The following OSBPL6 variants were observed in gnomAD, a reference collection of about 807,000 sequenced individuals.
OSBPL6 encodes the protein oxysterol-binding protein-related protein 6.
In OSBPL6, 49 loss-of-function variants were observed where a neutral mutation model predicts 125.8. The observed-to-expected ratio is 0.39, with a 90% confidence interval of 0.31 to 0.49. The LOEUF is 0.49. OSBPL6 is among the 20% of genes least tolerant of loss of function. The pLI is 0.88. For synonymous variants in OSBPL6, 394 were observed against 391.8 expected (o/e 1.01, Z -0.07); for missense variants, 986 against 1,135.4 (o/e 0.87, Z 1.89).
At chr2:178,278,067 T>C (rs2092506142) in intron 1 of OSBPL6, among the ~76,000 whole-genome samples, 1 of 152,194 alleles carries the variant, frequency 6.6e-6, no homozygotes, top group African/African-American at 2.4e-5. Context: ...CAGACTACAC[T>C]TTCCCGTCTC....
Position 178,234,415 on chromosome 2 carries a change from C to CAG in OSBPL6, c.-351+39752_-351+39753dup, listed in dbSNP as rs747615655. Among the ~76,000 whole-genome samples, 6 of 151,798 alleles carry CAG rather than the reference C, an allele frequency of 4.0e-5. No homozygotes were observed. In the South Asian group the frequency reaches 8.3e-4, roughly 21 times the overall value. ...GTTACCAGTGAGAGAGAGAGAGAGA[C>CAG]AGAGAGAGAGAGTCATTTTTAAAAA... On this transcript the variant is annotated intron_variant, in intron 1 of 24. Transcript: ENST00000190611.
At chr2:178,344,512 C>A in intron 11 of OSBPL6, 1 of 681,454 alleles carries the variant, frequency 1.5e-6, no homozygotes. Context: ...CTCTGGCTGT[C>A]TTTGCATGGC....
At chr2:178,325,230 A>G (rs1483266159) in intron 4 of OSBPL6, among the ~76,000 whole-genome samples, 1 of 152,226 alleles carries the variant, frequency 6.6e-6, no homozygotes, top group Non-Finnish European at 1.5e-5. Context: ...TTTGAATTCC[A>G]GTATAAAAAT....
intron 1 of OSBPL6, among the ~76,000 whole-genome samples, chr2:178,215,163 A>G (rs2153962114): frequency 1.3e-5 from 2 of 152,136 alleles, no homozygotes; most frequent in South Asian, 4.1e-4. Flanking sequence ...GGGAATGGTA[A>G]TGAAATGTTT....
intron 1 of OSBPL6, among the ~76,000 whole-genome samples, chr2:178,262,740 C>A (rs769223235): frequency 2.0e-5 from 3 of 152,118 alleles, no homozygotes; most frequent in Non-Finnish European, 2.9e-5. Context: ...GTTTCTAAAT[C>A]ACTGTTTAAA....
chr2:178,280,349 A>G (rs1419919021), intron 1 of OSBPL6, among the ~76,000 whole-genome samples: 1 of 152,262 alleles, frequency 6.6e-6, no homozygotes, highest in African/African-American at 2.4e-5. Context: ...TTGAAGCTGA[A>G]TTAAGACAAA....
In OSBPL6 at chr2:178,306,259, A is replaced by T; in HGVS notation, c.75A>T (p.Ser25=). The change falls in exon 3 of 25, where the codon TCA becomes TCT. Residue 25 remains serine (S), a synonymous_variant. Transcript: ENST00000190611. ...STPTHRSASS[S]TSSQRDSRQS... is the part of the protein sequence containing the mutation. The stretch of plus-strand genomic sequence containing the variant: ...CAACCCATAGAAGTGCCTCCTCTTC[A>T]ACATCCTCCCAAAGGGACAGTAGGC... 1.2e-6 allele frequency: 2 copies of T among 1,613,444 alleles called. No homozygotes were observed. Among genetic ancestry groups the T allele is most frequent in the Non-Finnish European group, 1.7e-6 (2 of 1,179,400 alleles).
intron 5 of OSBPL6, among the ~76,000 whole-genome samples, chr2:178,328,976 C>G (rs1688952213): frequency 6.6e-6 from 1 of 152,126 alleles, no homozygotes; most frequent in African/African-American, 2.4e-5. Context: ...ATTAAATACT[C>G]TTTGAAATAT....
chr2:178,288,651 T>A (rs1684940903), intron 2 of OSBPL6, among the ~76,000 whole-genome samples: 1 of 152,008 alleles, frequency 6.6e-6, no homozygotes, highest in African/African-American at 2.4e-5. Flanking sequence ...CTTTTTTTTT[T>A]TTTTTAAATT....
At chr2:178,261,181 A>C (rs1379876970) in intron 1 of OSBPL6, among the ~76,000 whole-genome samples, 1 of 151,866 alleles carries the variant, frequency 6.6e-6, no homozygotes, top group Non-Finnish European at 1.5e-5. Flanking sequence ...AAACAAAAAA[A>C]CCCCTGATGC....
At chr2:178,217,875 A>G (rs2090154424) in intron 1 of OSBPL6, among the ~76,000 whole-genome samples, 2 of 152,214 alleles carry the variant, frequency 1.3e-5, no homozygotes, top group Admixed American at 6.5e-5. Context: ...CAAGCTACCC[A>G]TTGTTAGAAA....
intron 12 of OSBPL6, among the ~76,000 whole-genome samples, chr2:178,352,901 A>G (rs1364818146): frequency 6.6e-6 from 1 of 152,186 alleles, no homozygotes; most frequent in African/African-American, 2.4e-5. Flanking sequence ...AGGAAGGATC[A>G]GGCAGCAATA....
intron 19 of OSBPL6, among the ~76,000 whole-genome samples, chr2:178,386,465 A>G (rs928112354): frequency 6.6e-6 from 1 of 152,236 alleles, no homozygotes; most frequent in African/African-American, 2.4e-5. Context: ...ATCTTATTTT[A>G]TAAATTTTAT....
chr2:178,248,826 G>GA (rs957529998), intron 1 of OSBPL6, among the ~76,000 whole-genome samples: 52 of 150,102 alleles, frequency 3.5e-4, no homozygotes, highest in Admixed American at 4.6e-4. Context: ...AAAGTACAAG[G>GA]AAAAAAAAAC....
intron 15 of OSBPL6, among the ~76,000 whole-genome samples, chr2:178,375,823 T>G (rs566351539): frequency 6.6e-6 from 1 of 152,328 alleles, no homozygotes; most frequent in South Asian, 2.1e-4. Context: ...TTCTGAGAGA[T>G]ATTTCCAAGT....
At chr2:178,200,734 T>A (rs2089203164) in intron 1 of OSBPL6, among the ~76,000 whole-genome samples, 2 of 152,208 alleles carry the variant, frequency 1.3e-5, no homozygotes, top group African/African-American at 4.8e-5. Context: ...ATTTTCTTTC[T>A]AAAACAGATT....
At chr2:178,374,925 G>A (rs1451660880) in intron 15 of OSBPL6, among the ~76,000 whole-genome samples, 1 of 152,130 alleles carries the variant, frequency 6.6e-6, no homozygotes. Context: ...TGGGAGAAAA[G>A]TAAAATAGAA....
At chr2:178,295,188 T>G (rs1685637327) in intron 2 of OSBPL6, among the ~76,000 whole-genome samples, 1 of 152,156 alleles carries the variant, frequency 6.6e-6, no homozygotes, top group Non-Finnish European at 1.5e-5. Flanking sequence ...GCAATTAAAT[T>G]CAGAATGTCC....
intron 23 of OSBPL6, 108 bp from the exon 24 acceptor site, chr2:178,394,195 CCGTTACTGTG>C: frequency 7.6e-7 from 1 of 1,307,794 alleles, no homozygotes; most frequent in East Asian, 2.4e-5. Flanking sequence ...AAGACTCCGT[CCGTTACTGTG>C]CGGTATTTTA....
Sources: allele counts gnomAD v4.1 joint callset (sites outside exome capture counted in the v4.1 genomes callset), GRCh38; gene constraint gnomAD v4.1.1; transcripts MANE v1.5; gene names NCBI Gene and HGNC (gene_info 2026-07-23, HGNC 2026-07-21).